Variants in IGF2BP3 observed in about 807,000 individuals in gnomAD.
The protein encoded by IGF2BP3 is insulin-like growth factor 2 mRNA-binding protein 3.
IGF2BP3 carries 9 observed loss-of-function variants against 73.8 expected under a neutral mutation model. The observed-to-expected ratio is 0.12, with a 90% CI of 0.07 to 0.21. The LOEUF is 0.21. Ranked by LOEUF, IGF2BP3 falls within the 10% of genes least tolerant of loss-of-function variation. The pLI, the probability that IGF2BP3 is intolerant of heterozygous loss-of-function variation, is 1.00. For missense variants in IGF2BP3, 542 were observed against 714.0 expected (o/e 0.76, Z 2.75); for synonymous variants, 258 against 256.7 (o/e 1.01, Z -0.05).
chr7:23,421,214 C>T (rs1000852506), intron 2 of IGF2BP3, among the ~76,000 whole-genome samples: 4 of 151,960 alleles, frequency 2.6e-5, no homozygotes, highest in Non-Finnish European at 4.4e-5. Flanking sequence ...TTCACCATGT[C>T]GACCAGGCTG....
intron 3 of IGF2BP3, chr7:23,404,983 T>C (rs183748774): frequency 6.8e-4 from 104 of 152,300 alleles, no homozygotes; most frequent in African/African-American, 2.5e-3. Context: ...TGAAGGTTTT[T>C]ATATACTTAA....
At chr7:23,361,268 T>C in intron 5 of IGF2BP3, 1 of 308,118 alleles carries the variant, frequency 3.2e-6, no homozygotes, top group East Asian at 6.7e-5. Context: ...CCAGAGCTTC[T>C]GCAAATAGGG....
intron 3 of IGF2BP3, among the ~76,000 whole-genome samples, chr7:23,367,727 G>A (rs985979768): frequency 3.9e-5 from 6 of 152,032 alleles, no homozygotes; most frequent in African/African-American, 1.2e-4. Context: ...ACGGCTGGGC[G>A]CGGTGGCTCA....
intron 10 of IGF2BP3, among the ~76,000 whole-genome samples, chr7:23,325,677 A>G (rs550592352): frequency 7.2e-5 from 11 of 152,338 alleles, no homozygotes; most frequent in African/African-American, 2.6e-4. Flanking sequence ...AAACTATACT[A>G]CAAGGCTACA....
intron 2 of IGF2BP3, among the ~76,000 whole-genome samples, chr7:23,426,313 T>C (rs1016560145): frequency 1.0e-5 from 1 of 99,928 alleles, no homozygotes; most frequent in African/African-American, 4.1e-5. Flanking sequence ...AGAGCAAAAT[T>C]CTGTCTCAAA....
intron 2 of IGF2BP3, among the ~76,000 whole-genome samples, chr7:23,440,077 T>C (rs961723226): frequency 6.6e-6 from 1 of 152,018 alleles, no homozygotes; most frequent in Admixed American, 6.6e-5. Context: ...TCCTGGCTAA[T>C]ACGGTGAAAC....
chr7:23,424,486 G>T (rs1198641543), intron 2 of IGF2BP3, among the ~76,000 whole-genome samples: 3 of 152,154 alleles, frequency 2.0e-5, no homozygotes, highest in Non-Finnish European at 4.4e-5. Context: ...GACAAAGCAA[G>T]ACTCCATCTC....
chr7:23,384,231 C>T (rs562170143), intron 3 of IGF2BP3, among the ~76,000 whole-genome samples: 2 of 151,022 alleles, frequency 1.3e-5, no homozygotes, highest in South Asian at 2.1e-4. Flanking sequence ...ATATGAAATG[C>T]ACAGAATAGG....
At chr7:23,463,297 T>C (rs537070321) in intron 2 of IGF2BP3, among the ~76,000 whole-genome samples, 1 of 152,348 alleles carries the variant, frequency 6.6e-6, no homozygotes, top group African/African-American at 2.4e-5. Flanking sequence ...TTCACTTTAA[T>C]ACAAAATCCC....
At chr7:23,406,065 A>G (rs1237602039) in intron 3 of IGF2BP3, among the ~76,000 whole-genome samples, 1 of 140,178 alleles carries the variant, frequency 7.1e-6, no homozygotes, top group Non-Finnish European at 1.6e-5. Context: ...AAATTTTCTG[A>G]TTAAAAAAAA....
At chr7:23,417,188 A>G (rs1182517257) in intron 3 of IGF2BP3, among the ~76,000 whole-genome samples, 1 of 152,242 alleles carries the variant, frequency 6.6e-6, no homozygotes. Context: ...CGAACTCTCA[A>G]TAAAATTGTT....
intron 12 of IGF2BP3, 63 bp from the exon 13 acceptor site, chr7:23,313,716 T>C: frequency 6.5e-7 from 1 of 1,549,894 alleles, no homozygotes; most frequent in Non-Finnish European, 8.8e-7. Flanking sequence ...GTCAGTTAAC[T>C]TGAAAGATGG....
At chr7:23,327,211 TACTCAAGTTAACCCATC>T (rs1243992242) in intron 10 of IGF2BP3, among the ~76,000 whole-genome samples, 3 of 152,050 alleles carry the variant, frequency 2.0e-5, no homozygotes, top group Non-Finnish European at 2.9e-5. Context: ...AGCTCCCAAG[TACTCAAGTTAACCCATC>T]AGTACTGTAG....
chr7:23,402,935 GAA>G (rs1288832302), intron 3 of IGF2BP3, among the ~76,000 whole-genome samples: 2 of 152,120 alleles, frequency 1.3e-5, no homozygotes, highest in African/African-American at 4.8e-5. Context: ...TTGGGATTAG[GAA>G]AAGAGTCTTT....
chr7:23,465,001 T>A (rs1313643943), intron 2 of IGF2BP3, among the ~76,000 whole-genome samples: 2 of 152,190 alleles, frequency 1.3e-5, no homozygotes, highest in Non-Finnish European at 2.9e-5. Flanking sequence ...TAAAAAGTAA[T>A]GGAAATTGAA....
intron 3 of IGF2BP3, 77 bp downstream of exon 3, chr7:23,418,699 G>T: frequency 1.1e-6 from 1 of 927,518 alleles, no homozygotes; most frequent in Non-Finnish European, 1.7e-6. Flanking sequence ...GTTGAGGAAA[G>T]GAGAAAAAGC....
At chr7:23,468,634 C>A (rs775933450) in intron 1 of IGF2BP3, 92 bp from the exon 2 acceptor site, 12 of 1,317,226 alleles carry the variant, frequency 9.1e-6, no homozygotes, top group African/African-American at 2.9e-5. Context: ...CACAAATGGC[C>A]TCCTGAGGCC....
In IGF2BP3 at chr7:23,419,840, G is replaced by A. The variant is rs150338850; in HGVS notation, c.237-1016C>T. ...GGCACTGCAGCCTGGGCGACAGAGCGAGACTCCATCTCAAAAAAATAAAAA... is the reference window on the plus strand; with the variant it reads ...GGCACTGCAGCCTGGGCGACAGAGCAAGACTCCATCTCAAAAAAATAAAAA... On this transcript the variant is annotated intron_variant, in intron 2 of 14. Coordinates refer to ENST00000258729, the MANE Select transcript of IGF2BP3 (RefSeq NM_006547.3). 1.7e-3 allele frequency among the ~76,000 whole-genome samples: 258 copies of A among 152,250 alleles called. 2 individuals carry two copies. Among genetic ancestry groups the A allele is most frequent in the African/African-American group, 5.9e-3 (247 of 41,532 alleles).
intron 4 of IGF2BP3, 23 bp downstream of exon 4, chr7:23,361,667 A>T: frequency 1.2e-6 from 2 of 1,613,838 alleles, no homozygotes; most frequent in Non-Finnish European, 8.5e-7. Context: ...TACAAATTTG[A>T]AAGCAATTCA....
Sources: allele counts gnomAD v4.1 joint callset (sites outside exome capture counted in the v4.1 genomes callset), GRCh38; gene constraint gnomAD v4.1.1; transcripts MANE v1.5; gene names NCBI Gene and HGNC (gene_info 2026-07-23, HGNC 2026-07-21).